The following NUDCD3 variants were observed in gnomAD, a reference collection of about 807,000 sequenced individuals.
The protein encoded by NUDCD3 is nudC domain-containing protein 3.
A neutral mutation model predicts 39.7 loss-of-function variants in NUDCD3; 13 were observed. The observed-to-expected ratio is 0.33, with a 90% confidence interval of 0.21 to 0.52. NUDCD3 has a LOEUF of 0.52. NUDCD3 is among the 20% of genes least tolerant of loss of function. The pLI, the probability that NUDCD3 is intolerant of heterozygous loss-of-function variation, is 0.96. For missense variants in NUDCD3, 453 were observed against 458.1 expected, an observed-to-expected ratio of 0.99 and a Z score of 0.10; for synonymous variants, 175 against 172.4, an observed-to-expected ratio of 1.02 and a Z score of -0.12.
chr7:44,435,825 G>T (rs1315605205), intron 2 of NUDCD3, among the ~76,000 whole-genome samples: 1 of 152,106 alleles, frequency 6.6e-6, no homozygotes, highest in East Asian at 1.9e-4. Flanking sequence ...CCTGCCTATT[G>T]GGTACCCCTG....
intron 4 of NUDCD3, among the ~76,000 whole-genome samples, chr7:44,404,026 A>C (rs1798772619): frequency 6.6e-6 from 1 of 152,146 alleles, no homozygotes; most frequent in Non-Finnish European, 1.5e-5. Context: ...GTTCATTTGG[A>C]GTCACACCTT....
rs776157453 is a variant in NUDCD3, at chr7:44,381,744, G to C, written c.*4267C>G. 3 of 152,302 alleles carry C rather than the reference G, an allele frequency of 2.0e-5. No homozygotes were observed. The highest frequency in any genetic ancestry group is 7.2e-5 in the African/African-American group (3 of 41,436). The allele number at this position is 152,302 out of a possible 1,614,324, so 9.4% of individuals were successfully genotyped here. On this transcript the variant is annotated 3_prime_UTR_variant, in exon 6 of 6. Transcript: ENST00000355451. ...GACAGGAGGCGGCATACACCTGAGCGCCTGACAGTACCCTCGTGAACCTGC... is the reference window on the plus strand; with the variant it reads ...GACAGGAGGCGGCATACACCTGAGCCCCTGACAGTACCCTCGTGAACCTGC...
At chr7:44,409,700 T>C (rs1798886527) in intron 3 of NUDCD3, among the ~76,000 whole-genome samples, 1 of 152,124 alleles carries the variant, frequency 6.6e-6, no homozygotes, top group African/African-American at 2.4e-5. Flanking sequence ...AAATCACCTA[T>C]TTTAAATATG....
At chr7:44,467,330 A>G (rs1022137455) in intron 2 of NUDCD3, among the ~76,000 whole-genome samples, 6 of 152,220 alleles carry the variant, frequency 3.9e-5, no homozygotes, top group South Asian at 2.1e-4. Context: ...CTCATTTAAC[A>G]TGGGAACGGC....
intron 2 of NUDCD3, among the ~76,000 whole-genome samples, chr7:44,454,482 T>C (rs1799855874): frequency 6.6e-6 from 1 of 152,274 alleles, no homozygotes; most frequent in Non-Finnish European, 1.5e-5. Context: ...AATCCTTTCA[T>C]CTGCTCTTCA....
chr7:44,420,494 A>G (rs1221365049), intron 3 of NUDCD3, among the ~76,000 whole-genome samples: 2 of 152,192 alleles, frequency 1.3e-5, no homozygotes, highest in Non-Finnish European at 2.9e-5. Context: ...CAGGAAATAT[A>G]GAGAACACCA....
At chr7:44,418,777 G>A (rs529534339) in intron 3 of NUDCD3, among the ~76,000 whole-genome samples, 19 of 152,322 alleles carry the variant, frequency 1.2e-4, no homozygotes, top group African/African-American at 4.1e-4. Context: ...CACAGAGGGT[G>A]AGCAGAAGCA....
At chr7:44,402,825 C>T (rs138719691) in intron 4 of NUDCD3, 8 of 385,346 alleles carry the variant, frequency 2.1e-5, no homozygotes, top group African/African-American at 6.2e-5. Context: ...GTAATACAGG[C>T]GGCCAGGGCT....
chr7:44,468,491 T>C (rs949095956), intron 2 of NUDCD3, among the ~76,000 whole-genome samples: 10 of 152,128 alleles, frequency 6.6e-5, no homozygotes, highest in African/African-American at 2.4e-4. Flanking sequence ...CATACTCTTA[T>C]TCCATAACAT....
chr7:44,436,622 T>C (rs1011143684), intron 2 of NUDCD3, among the ~76,000 whole-genome samples: 3 of 152,240 alleles, frequency 2.0e-5, no homozygotes, highest in African/African-American at 7.2e-5. Flanking sequence ...ATTACATATA[T>C]ATAAAAATAG....
chr7:44,423,245 C>T (rs1051489982), intron 3 of NUDCD3, among the ~76,000 whole-genome samples: 11 of 152,144 alleles, frequency 7.2e-5, no homozygotes, highest in African/African-American at 2.7e-4. Context: ...ACAAGGATGC[C>T]CTCTCTCACC....
intron 5 of NUDCD3, among the ~76,000 whole-genome samples, chr7:44,389,494 C>T (rs901006908): frequency 2.0e-5 from 3 of 152,226 alleles, no homozygotes; most frequent in South Asian, 2.1e-4. Flanking sequence ...CTGGCTAACA[C>T]GGTGAAACCC....
intron 4 of NUDCD3, 150 bp downstream of exon 4, chr7:44,404,290 T>C (rs1798776167): frequency 6.8e-6 from 5 of 732,062 alleles, no homozygotes; most frequent in Non-Finnish European, 8.9e-6. Context: ...CTCTGAGCAG[T>C]ATGGAAAATG....
intron 2 of NUDCD3, among the ~76,000 whole-genome samples, chr7:44,443,345 A>G (rs1799627597): frequency 6.6e-6 from 1 of 152,222 alleles, no homozygotes; most frequent in Non-Finnish European, 1.5e-5. Context: ...ACATTAAACA[A>G]GATTCAAGTA....
chr7:44,388,797 A>G (rs1798453129), intron 5 of NUDCD3, among the ~76,000 whole-genome samples: 1 of 152,218 alleles, frequency 6.6e-6, no homozygotes, highest in African/African-American at 2.4e-5. Context: ...GTCGCTGAAG[A>G]TCTCCCAGGG....
intron 3 of NUDCD3, among the ~76,000 whole-genome samples, chr7:44,421,346 A>AC (rs1246757469): frequency 1.3e-5 from 2 of 151,480 alleles, no homozygotes; most frequent in African/African-American, 4.9e-5. Context: ...AAAAAAAAAA[A>AC]AAACCACACA....
Position 44,385,264 on chromosome 7 carries a change from T to G in NUDCD3, c.*747A>C, listed in dbSNP as rs983533070. The G allele has an allele frequency of 6.6e-6, 1 of 152,144 alleles. No individual in the cohort carries two copies. The highest frequency in any genetic ancestry group is 2.4e-5 in the African/African-American group (1 of 41,400). 9.4% of individuals were successfully genotyped at this position (152,144 alleles called of 1,614,324 possible). On this transcript the variant is annotated 3_prime_UTR_variant, in exon 6 of 6. Coordinates refer to ENST00000355451, the MANE Select transcript of NUDCD3 (RefSeq NM_015332.4). ...ATGGGGAGCCAAGCACAGCATGCCA[T>G]GCGTGGTGGCCGGGCTTGGTTCACT...
At chr7:44,452,196 A>T (rs1249822378) in intron 2 of NUDCD3, among the ~76,000 whole-genome samples, 1 of 152,248 alleles carries the variant, frequency 6.6e-6, no homozygotes, top group African/African-American at 2.4e-5. Flanking sequence ...TAATCCCAGC[A>T]CTTTGGGAGG....
intron 2 of NUDCD3, among the ~76,000 whole-genome samples, chr7:44,468,672 C>T (rs1435646799): frequency 2.0e-5 from 3 of 152,174 alleles, no homozygotes; most frequent in Non-Finnish European, 4.4e-5. Flanking sequence ...ACAGCAGGCC[C>T]AGCTCTTGGC....
Sources: gnomAD v4.1 joint callset for allele counts (sites outside exome capture counted in the v4.1 genomes callset) on GRCh38, gnomAD v4.1.1 for gene constraint, MANE v1.5 for transcripts, NCBI Gene and HGNC (gene_info 2026-07-23, HGNC 2026-07-21) for gene names.